TCFL5: variants seen among roughly 807,000 people sequenced by gnomAD.
TCFL5 encodes the protein transcription factor-like 5 protein.
TCFL5 carries 9 observed loss-of-function variants against 44.3 expected under a neutral mutation model. The observed-to-expected ratio is 0.20, with a 90% CI of 0.12 to 0.35. The LOEUF is 0.35. Among genes scored for constraint, TCFL5 ranks in the 10% least tolerant of loss-of-function variants. The pLI is 1.00. For synonymous variants in TCFL5, 319 were observed against 271.6 expected (o/e 1.17, Z -1.72); for missense variants, 603 against 613.4 (o/e 0.98, Z 0.18).
rs2063951588 is a variant in TCFL5 at position 62,859,485 on chromosome 20, G to A, written c.873C>T (p.His291=). The A allele has an allele frequency of 3.1e-6, 5 of 1,613,672 alleles. No homozygotes were observed. Among genetic ancestry groups the A allele is most frequent in the Non-Finnish European group, 4.2e-6 (5 of 1,179,930 alleles). The change falls in exon 3 of 6, where the codon CAC becomes CAT. Residue 291 remains histidine, a synonymous_variant. Coordinates refer to ENST00000335351, the MANE Select transcript of TCFL5 (RefSeq NM_006602.4). ...NSCSVLEAAK[H]QDIGLPRAFS... is the part of the protein sequence containing the mutation. ...ATGCTCTAGGCAATCCAATATCCTG[G>A]TGCTTGGCAGCTTCAAGTACAGAAC...
intron 5 of TCFL5, among the ~76,000 whole-genome samples, chr20:62,853,061 C>G (rs946691417): frequency 6.8e-6 from 1 of 147,980 alleles, no homozygotes; most frequent in Non-Finnish European, 1.5e-5. Flanking sequence ...CACAGAAGTA[C>G]AGTCACCCGG....
chr20:62,855,870 G>A (rs1048780796), intron 4 of TCFL5, among the ~76,000 whole-genome samples: 2 of 152,094 alleles, frequency 1.3e-5, no homozygotes, highest in African/African-American at 4.8e-5. Context: ...TTTATTTCCT[G>A]AACTTAAAGC....
chr20:62,852,303 G>A (rs1400075718), intron 5 of TCFL5: 2 of 951,932 alleles, frequency 2.1e-6, no homozygotes, highest in African/African-American at 2.1e-5. Flanking sequence ...CCACTGCAAC[G>A]CTGAGGCCGG....
In TCFL5 at chr20:62,847,709, G is replaced by C. The variant is rs529506974; in HGVS notation, c.1381-5612C>G. Among the ~76,000 whole-genome samples the C allele has an allele frequency of 2.0e-5, 3 of 152,368 alleles. No individual in the cohort carries two copies. In the South Asian group the frequency reaches 6.2e-4, roughly 32 times the overall value. On this transcript the variant is annotated intron_variant, in intron 5 of 5. Transcript: ENST00000335351. ...CCTCCAGTGGCCATGTTCAAAAACA[G>C]AATGAAAATCCGTATGTAGGCCAGG...
At chr20:62,858,559 T>C (rs2063932016) in intron 3 of TCFL5, among the ~76,000 whole-genome samples, 1 of 152,250 alleles carries the variant, frequency 6.6e-6, no homozygotes, top group Admixed American at 6.5e-5. Context: ...TCACCAACTC[T>C]TGGAAAGCTA....
intron 5 of TCFL5, among the ~76,000 whole-genome samples, chr20:62,847,789 C>T (rs557984882): frequency 6.6e-6 from 1 of 152,310 alleles, no homozygotes; most frequent in South Asian, 2.1e-4. Context: ...GCGGGCGGAT[C>T]ACCTGAGGTC....
At chr20:62,843,614 G>C (rs1392143786) in intron 5 of TCFL5, among the ~76,000 whole-genome samples, 1 of 152,164 alleles carries the variant, frequency 6.6e-6, no homozygotes, top group Non-Finnish European at 1.5e-5. Flanking sequence ...TTAAAATATA[G>C]CATAAAATTT....
chr20:62,846,265 G>C (rs568264956), intron 5 of TCFL5: 1 of 484,568 alleles, frequency 2.1e-6, no homozygotes, highest in African/African-American at 2.0e-5. Context: ...GATGAGGCTA[G>C]TCCCGGCGTC....
intron 3 of TCFL5, among the ~76,000 whole-genome samples, chr20:62,858,287 G>A (rs2063927116): frequency 6.6e-6 from 1 of 152,364 alleles, no homozygotes; most frequent in South Asian, 2.1e-4. Flanking sequence ...GCACGTGACT[G>A]GCAGGCGTGC....
chr20:62,851,553 C>T, intron 5 of TCFL5: 1 of 985,370 alleles, frequency 1.0e-6, no homozygotes, highest in Non-Finnish European at 1.2e-6. Context: ...TAACAATAAT[C>T]TTCAAGAGTA....
chr20:62,853,952 A>G, intron 5 of TCFL5, 64 bp downstream of exon 5: 1 of 1,567,212 alleles, frequency 6.4e-7, no homozygotes, highest in Admixed American at 1.7e-5. Flanking sequence ...TCCTTAGGAA[A>G]AAGGAGGGAC....
chr20:62,860,159 G>C lies in TCFL5; in HGVS notation c.797C>G (p.Ser266Cys). The change falls in exon 2 of 6, where the codon TCT becomes TGT. Residue 266 changes from serine to cysteine, a missense_variant. Transcript: ENST00000335351. ...TGAAAGATTAGAATTTCCACTAGTA[G>C]AGCAAGCATTTGTAGTAAACAGTGG... ...TYPLFTTNACSTSGNSNLSQT... is the reference protein window; with the variant it reads ...TYPLFTTNACCTSGNSNLSQT... 6.2e-7 allele frequency: 1 copy of C among 1,612,712 alleles called. No individual in the cohort carries two copies. The highest frequency in any genetic ancestry group is 1.3e-5 in the African/African-American group (1 of 75,054).
At position 62,842,104 on chromosome 20, in the gene TCFL5, TGAA is replaced by T. The variant is rs780750325; in HGVS notation, c.1381-10_1381-8del. On this transcript the variant is annotated splice_polypyrimidine_tract_variant and splice_region_variant and intron_variant, in intron 5 of 5. Coordinates refer to ENST00000335351, the MANE Select transcript of TCFL5 (RefSeq NM_006602.4). The surrounding 1 kb of genome is among the most constrained non-coding windows in gnomAD (Gnocchi z 4.3). ...AAAATACGCTCTCAAATTCCTGCAG[TGAA>T]GAAGTGACGGTTAACATACTGAATT... 6.2e-7 allele frequency: 1 copy of T among 1,614,036 alleles called. No homozygotes were observed. Among genetic ancestry groups the T allele is most frequent in the African/African-American group, 1.3e-5 (1 of 75,038 alleles).
At chr20:62,846,614 C>G (rs779679815) in intron 5 of TCFL5, among the ~76,000 whole-genome samples, 4 of 151,918 alleles carry the variant, frequency 2.6e-5, no homozygotes, top group African/African-American at 7.3e-5. Context: ...AGAATAACAA[C>G]AAGACGGGTG....
chr20:62,845,637 TCA>T (rs1568775492), intron 5 of TCFL5: 4 of 1,490,338 alleles, frequency 2.7e-6, no homozygotes, highest in Non-Finnish European at 2.7e-6. Flanking sequence ...TGCTGGGGCG[TCA>T]CCCCTTCAGC....
At position 62,861,355 on chromosome 20, in the gene TCFL5, A is replaced by T; in HGVS notation, c.316T>A (p.Tyr106Asn). The T allele has an allele frequency of 9.4e-7, 1 of 1,069,312 alleles. No homozygotes were observed. The highest frequency in any genetic ancestry group is 7.2e-5 in the East Asian group (1 of 13,894). 66.2% of individuals were successfully genotyped at this position (1,069,312 alleles called of 1,614,324 possible). A position where few individuals can be genotyped will look rare whatever the true frequency, so the allele number is the denominator to read the frequency against. The change falls in exon 1 of 6, where the codon TAC (tyrosine) becomes AAC (asparagine). Residue 106 changes from tyrosine (Y) to asparagine (N), a missense_variant. By Grantham distance (143) the Tyr-to-Asn change is moderately radical (BLOSUM62 -2). This residue lies in a region of TCFL5 where 540 missense variants were observed against 478.7 expected (regional missense o/e 1.13). Transcript: ENST00000335351. The surrounding 1 kb of genome is among the most constrained non-coding windows in gnomAD (Gnocchi z 4.0). Reference sequence around the variant, plus strand: ...AGCGCGGACGGGCACAGCACGGGGTACACGGGCGCCGCGCCCCCCTGACCG... The same window carrying T: ...AGCGCGGACGGGCACAGCACGGGGTTCACGGGCGCCGCGCCCCCCTGACCG... Reference protein sequence around the residue: ...AGGQGGAAPVYPVLCPSALAA... With the variant: ...AGGQGGAAPVNPVLCPSALAA...
chr20:62,843,395 G>A (rs6011417), intron 5 of TCFL5, among the ~76,000 whole-genome samples: 7,746 of 151,758 alleles, frequency 0.051, 659 homozygotes, highest in African/African-American at 0.18. Flanking sequence ...ATTTATGAAT[G>A]AAATGATGTC....
At chr20:62,851,901 C>G in intron 5 of TCFL5, 1 of 883,132 alleles carries the variant, frequency 1.1e-6, no homozygotes, top group Non-Finnish European at 1.4e-6. Flanking sequence ...CCTCCGCCTC[C>G]CGGGTTCAAC....
intron 1 of TCFL5, 84 bp from the exon 2 acceptor site, chr20:62,860,392 G>C (rs2063976161): frequency 7.6e-7 from 1 of 1,315,026 alleles, no homozygotes; most frequent in Non-Finnish European, 1.1e-6. Context: ...GCTCTGGCTA[G>C]TTTTTCCAGA....
Sources: allele counts gnomAD v4.1 joint callset (sites outside exome capture counted in the v4.1 genomes callset), GRCh38; gene constraint gnomAD v4.1.1; regional missense constraint gnomAD v4.1.1; non-coding constraint Gnocchi (gnomAD v3.1); transcripts MANE v1.5; gene names NCBI Gene and HGNC (gene_info 2026-07-23, HGNC 2026-07-21).